The following PPP1R8 variants were observed in gnomAD, a reference collection of about 807,000 sequenced individuals.
PPP1R8 encodes nuclear inhibitor of protein phosphatase 1.
A neutral mutation model predicts 31.3 loss-of-function variants in PPP1R8; 4 were observed. The ratio of observed to expected loss-of-function variants is 0.13; its 90% CI spans 0.06 to 0.29. PPP1R8 has a LOEUF of 0.29. Among genes scored for constraint, PPP1R8 ranks in the 10% least tolerant of loss-of-function variants. PPP1R8 has a pLI of 1.00. For synonymous variants in PPP1R8, 170 were observed against 169.7 expected (o/e 1.00, Z -0.01); for missense variants, 254 against 440.1 (o/e 0.58, Z 3.78).
At chr1:27,842,358 AAAG>A (rs1027756728) in intron 4 of PPP1R8, among the ~76,000 whole-genome samples, 9 of 151,862 alleles carry the variant, frequency 5.9e-5, no homozygotes, top group African/African-American at 1.9e-4. Context: ...AAAAAAAAAA[AAAG>A]AGAAATTTTA....
chr1:27,839,942 C>T (rs2089207043), intron 3 of PPP1R8, among the ~76,000 whole-genome samples: 1 of 151,916 alleles, frequency 6.6e-6, no homozygotes, highest in Non-Finnish European at 1.5e-5. Flanking sequence ...GCGCTATGGT[C>T]TCAGCTGCTT....
rs545011074 is a variant in PPP1R8, at chr1:27,850,791, C to A, written c.*345C>A. The A allele has an allele frequency of 9.7e-5, 20 of 205,516 alleles. No homozygotes were observed. In the Admixed American group the frequency reaches 1.0e-3, roughly 11 times the overall value. 12.7% of individuals were successfully genotyped at this position (205,516 alleles called of 1,614,324 possible). On this transcript the variant is annotated 3_prime_UTR_variant, in exon 7 of 7. Coordinates refer to ENST00000311772, the MANE Select transcript of PPP1R8 (RefSeq NM_014110.5). ...CCAGGCCCTCAGGTTGAATCCAGAG[C>A]TGTAGAGGTTACAGTAGCATCACCA... is the stretch of plus-strand genomic sequence containing the variant.
chr1:27,848,025 T>A (rs1469547712), intron 6 of PPP1R8, among the ~76,000 whole-genome samples: 1 of 152,232 alleles, frequency 6.6e-6, no homozygotes. Context: ...ATTATTGCAA[T>A]ACCACACAGT....
chr1:27,843,394 C>G (rs1290560519), intron 5 of PPP1R8, 64 bp downstream of exon 5: 1 of 1,597,580 alleles, frequency 6.3e-7, no homozygotes, highest in Admixed American at 1.7e-5. Flanking sequence ...CGGTGGCTCA[C>G]GCCTGTAGTC....
In PPP1R8 at chr1:27,841,351, C is replaced by T. The variant is rs2089220915; in HGVS notation, c.492+117C>T. The T allele has an allele frequency of 1.8e-5, 19 of 1,038,402 alleles. No individual in the cohort carries two copies. In the South Asian group the frequency reaches 2.9e-4, roughly 16 times the overall value. The allele number at this position is 1,038,402 out of a possible 1,614,324, so 64.3% of individuals were successfully genotyped here. On this transcript the variant is annotated intron_variant, in intron 4 of 6. Coordinates refer to ENST00000311772, the MANE Select transcript of PPP1R8 (RefSeq NM_014110.5). ...TAGCAGCAGGGGGTTCTCTTGAGTC[C>T]AGTAATGGGCCTTTGGCAATCTGGT...
intron 2 of PPP1R8, 102 bp downstream of exon 2, chr1:27,832,918 CTACT>C: frequency 1.0e-6 from 1 of 977,852 alleles, no homozygotes; most frequent in Non-Finnish European, 1.5e-6. Context: ...TCCAGCAATG[CTACT>C]TTCTTTCATC....
At chr1:27,844,910 T>A (rs1262421539) in intron 5 of PPP1R8, among the ~76,000 whole-genome samples, 2 of 133,258 alleles carry the variant, frequency 1.5e-5, no homozygotes, top group Non-Finnish European at 3.2e-5. Context: ...TTTTTTTTTT[T>A]TTTTAGTAGA....
chr1:27,843,209 C>T lies in PPP1R8; in HGVS notation c.516C>T (p.Ala172=), dbSNP rs1352210876. 2 of 1,614,064 alleles carry T rather than the reference C, an allele frequency of 1.2e-6. No homozygotes were observed. Among genetic ancestry groups the T allele is most frequent in the Non-Finnish European group, 1.7e-6 (2 of 1,180,026 alleles). ...ELDNLTEFNT[A]HNKRISTLTI... ...AGAACCTGACAGAGTTCAACACTGC[C>T]CACAACAAGCGGATTTCTACCCTTA... The change falls in exon 5 of 7, where the codon GCC becomes GCT. Residue 172 remains alanine (A), a synonymous_variant. Coordinates refer to ENST00000311772, the MANE Select transcript of PPP1R8 (RefSeq NM_014110.5).
intron 1 of PPP1R8, chr1:27,831,201 CTG>C (rs2089100582): frequency 1.8e-6 from 2 of 1,139,840 alleles, no homozygotes; most frequent in Non-Finnish European, 2.2e-6. Flanking sequence ...CAACTCTTGA[CTG>C]AGTGCCTGGT....
At chr1:27,850,044 T>G in intron 6 of PPP1R8, 49 bp from the exon 7 acceptor site, 1 of 1,495,626 alleles carries the variant, frequency 6.7e-7, no homozygotes, top group Non-Finnish European at 9.0e-7. Flanking sequence ...GGGCCTCACC[T>G]CTTGTCTTCT....
At chr1:27,842,144 C>T (rs1423635450) in intron 4 of PPP1R8, among the ~76,000 whole-genome samples, 1 of 151,996 alleles carries the variant, frequency 6.6e-6, no homozygotes, top group Non-Finnish European at 1.5e-5. Context: ...AGTTCGAGAC[C>T]AGCCTGGCCA....
chr1:27,848,354 G>A (rs1354888874), intron 6 of PPP1R8, among the ~76,000 whole-genome samples: 3 of 151,542 alleles, frequency 2.0e-5, no homozygotes, highest in East Asian at 1.9e-4. Flanking sequence ...GCAGTGAGCC[G>A]AGATCACACC....
Position 27,841,043 on chromosome 1 carries a change from T to C in PPP1R8, c.301T>C (p.Leu101=). 2 of 1,614,146 alleles carry C rather than the reference T, an allele frequency of 1.2e-6. No individual in the cohort carries two copies. The highest frequency in any genetic ancestry group is 2.2e-5 in the South Asian group (2 of 91,078). Residue 101 remains leucine, a synonymous_variant, in exon 4 of 7, where the codon TTG becomes CTG. Transcript: ENST00000311772. ...THGTFLGHIR[L]EPHKPQQIPI... is the part of the protein sequence containing the mutation. The stretch of plus-strand genomic sequence containing the variant: ...CGGCACTTTCTTGGGTCACATTCGG[T>C]TGGAACCTCACAAGCCTCAGCAAAT...
At chr1:27,837,699 C>T (rs1387009811) in intron 2 of PPP1R8, among the ~76,000 whole-genome samples, 6 of 150,066 alleles carry the variant, frequency 4.0e-5, no homozygotes, top group African/African-American at 4.9e-5. Context: ...CTCTTGAACC[C>T]GGGAGGCGGA....
At position 27,840,794 on chromosome 1, in the gene PPP1R8, G is replaced by A. The variant is rs115166284; in HGVS notation, c.272-220G>A. Among the ~76,000 whole-genome samples the A allele has an allele frequency of 5.4e-3, 818 of 152,254 alleles. 3 individuals are homozygous for A. Among genetic ancestry groups the A allele is most frequent in the Non-Finnish European group, 7.7e-3 (527 of 68,020 alleles). On this transcript the variant is annotated intron_variant, in intron 3 of 6. Transcript: ENST00000311772. ...CTTCTCACTGTAACACATGATGGAT[G>A]TGGTGGACCCAGTGCCATTTTCATT...
At chr1:27,831,201 C>G in intron 1 of PPP1R8, 1 of 1,139,840 alleles carries the variant, frequency 8.8e-7, no homozygotes, top group Non-Finnish European at 1.1e-6. Flanking sequence ...CAACTCTTGA[C>G]TGAGTGCCTG....
intron 2 of PPP1R8, among the ~76,000 whole-genome samples, chr1:27,836,004 T>C (rs2089161442): frequency 6.6e-6 from 1 of 151,932 alleles, no homozygotes; most frequent in Admixed American, 6.6e-5. Context: ...ATGAGGTGTA[T>C]CTTTTGGTTT....
chr1:27,841,717 C>G (rs2089224522), intron 4 of PPP1R8, among the ~76,000 whole-genome samples: 1 of 152,220 alleles, frequency 6.6e-6, no homozygotes, highest in Non-Finnish European at 1.5e-5. Flanking sequence ...CATTTTCATT[C>G]ATTCATGTAG....
chr1:27,837,769 A>C (rs6683250), intron 2 of PPP1R8, among the ~76,000 whole-genome samples: 3,295 of 142,260 alleles, frequency 0.023, 108 homozygotes, highest in African/African-American at 0.08. Flanking sequence ...AGCGAGACTT[A>C]GTCTCAAAAA....
Sources: allele counts gnomAD v4.1 joint callset (sites outside exome capture counted in the v4.1 genomes callset), GRCh38; gene constraint gnomAD v4.1.1; transcripts MANE v1.5; gene names NCBI Gene and HGNC (gene_info 2026-07-23, HGNC 2026-07-21).